MPP7: variants seen among roughly 807,000 people sequenced by gnomAD.
MPP7 encodes the protein MAGUK p55 scaffold protein 7, also known as MAGUK p55 subfamily member 7.
A neutral mutation model predicts 76.5 loss-of-function variants in MPP7; 60 were observed. That is an observed-to-expected ratio of 0.78 (90% CI 0.64 to 0.97). The LOEUF (loss-of-function observed/expected upper bound fraction) is 0.97. Ranked by LOEUF, MPP7 falls within the 50% of genes least tolerant of loss-of-function variation. The probability of loss-of-function intolerance (pLI) is 0.00; values close to 1 mark genes in which losing one functional copy is unlikely to be tolerated. For missense variants in MPP7, 641 were observed against 694.0 expected (o/e 0.92, Z 0.86); for synonymous variants, 237 against 244.5 (o/e 0.97, Z 0.29).
intron 2 of MPP7, among the ~76,000 whole-genome samples, chr10:28,310,501 A>G (rs1215677284): frequency 1.3e-5 from 2 of 152,152 alleles, no homozygotes; most frequent in South Asian, 2.1e-4. Context: ...GAATCCAGCA[A>G]CTTTCAATTA....
At chr10:28,140,040 G>A (rs1343169385) in intron 5 of MPP7, among the ~76,000 whole-genome samples, 1 of 152,146 alleles carries the variant, frequency 6.6e-6, no homozygotes, top group Non-Finnish European at 1.5e-5. Context: ...TCAGGATATT[G>A]AAGTTATCAA....
chr10:28,119,676 G>A lies in MPP7; in HGVS notation c.927C>T (p.Pro309=), dbSNP rs1168299623. 2 of 1,613,426 alleles carry A rather than the reference G, an allele frequency of 1.2e-6. No individual in the cohort carries two copies. The highest frequency in any genetic ancestry group is 1.7e-6 in the Non-Finnish European group (2 of 1,179,720). The change falls in exon 11 of 17, where the codon CCC becomes CCT. Residue 309 remains proline, a synonymous_variant. Coordinates refer to ENST00000683449, the MANE Select transcript of MPP7 (RefSeq NM_001318170.2). ...ATGATTTCCTGTTGGAAACTTTCAGGGGCTGAACCAATATTTCTGGTCGTC... is the reference window on the plus strand; with the variant it reads ...ATGATTTCCTGTTGGAAACTTTCAGAGGCTGAACCAATATTTCTGGTCGTC... ...ALRRPEILVQ[P]LKVSNRKSSG...
intron 15 of MPP7, among the ~76,000 whole-genome samples, chr10:28,058,217 CTAAGAGT>C (rs1191845154): frequency 6.6e-6 from 1 of 152,140 alleles, no homozygotes; most frequent in African/African-American, 2.4e-5. Context: ...GTAGAAACAT[CTAAGAGT>C]TGCTTTACTT....
intron 1 of MPP7, among the ~76,000 whole-genome samples, chr10:28,284,761 A>T (rs1053730016): frequency 4.6e-5 from 7 of 152,234 alleles, no homozygotes; most frequent in African/African-American, 1.7e-4. Context: ...CACTTACTCT[A>T]TTATGAACCT....
chr10:28,260,173 C>T (rs1265030020), intron 1 of MPP7, among the ~76,000 whole-genome samples: 2 of 152,140 alleles, frequency 1.3e-5, no homozygotes, highest in East Asian at 1.9e-4. Flanking sequence ...TTATCATCAT[C>T]GACATATTTG....
chr10:28,258,513 C>A (rs1340059861), intron 1 of MPP7, among the ~76,000 whole-genome samples: 1 of 150,764 alleles, frequency 6.6e-6, no homozygotes, highest in Non-Finnish European at 1.5e-5. Flanking sequence ...AATTCCCCTG[C>A]CTCAGCCTCC....
chr10:28,258,090 C>T (rs544588273), intron 1 of MPP7, among the ~76,000 whole-genome samples: 1 of 151,728 alleles, frequency 6.6e-6, no homozygotes, highest in Non-Finnish European at 1.5e-5. Flanking sequence ...TCACACTTAA[C>T]CCACACCTTC....
At chr10:28,182,588 A>G (rs993564994) in intron 3 of MPP7, among the ~76,000 whole-genome samples, 1 of 152,226 alleles carries the variant, frequency 6.6e-6, no homozygotes, top group Non-Finnish European at 1.5e-5. Context: ...CAATAGTGAC[A>G]TGGAGATAAA....
intron 11 of MPP7, among the ~76,000 whole-genome samples, chr10:28,094,379 T>C (rs1258183498): frequency 6.6e-6 from 1 of 152,140 alleles, no homozygotes; most frequent in Non-Finnish European, 1.5e-5. Context: ...GACCAGTACC[T>C]AGGCTCTGCT....
At chr10:28,198,059 G>A (rs1486607797) in intron 3 of MPP7, among the ~76,000 whole-genome samples, 1 of 152,022 alleles carries the variant, frequency 6.6e-6, no homozygotes, top group East Asian at 1.9e-4. Flanking sequence ...ATATCAATTT[G>A]GGTTTGTTGA....
intron 5 of MPP7, among the ~76,000 whole-genome samples, chr10:28,134,122 C>T (rs73606080): frequency 0.022 from 3,282 of 152,162 alleles, 97 homozygotes; most frequent in African/African-American, 0.072. Context: ...AAATTAGTAG[C>T]GTTTTTCAAT....
intron 12 of MPP7, among the ~76,000 whole-genome samples, chr10:28,087,988 A>C (rs887232941): frequency 6.6e-6 from 1 of 152,194 alleles, no homozygotes; most frequent in African/African-American, 2.4e-5. Flanking sequence ...ATTATTAATA[A>C]AGGAAATTTT....
intron 11 of MPP7, among the ~76,000 whole-genome samples, chr10:28,099,917 A>C (rs1269611105): frequency 6.6e-6 from 1 of 152,112 alleles, no homozygotes; most frequent in Admixed American, 6.5e-5. Flanking sequence ...AGAAAAAAAA[A>C]CATTTAAATT....
chr10:28,265,848 A>T (rs1840133900), intron 1 of MPP7, among the ~76,000 whole-genome samples: 1 of 152,214 alleles, frequency 6.6e-6, no homozygotes, highest in Non-Finnish European at 1.5e-5. Context: ...CTGGGTTTAA[A>T]TTATATTTTT....
At chr10:28,166,748 T>C (rs1158359585) in intron 3 of MPP7, among the ~76,000 whole-genome samples, 1 of 152,170 alleles carries the variant, frequency 6.6e-6, no homozygotes, top group African/African-American at 2.4e-5. Context: ...TTACAACTCT[T>C]GTGTGAATGT....
chr10:28,120,416 G>C (rs751668378), intron 9 of MPP7, 26 bp from the exon 10 acceptor site: 1 of 1,588,872 alleles, frequency 6.3e-7, no homozygotes, highest in Non-Finnish European at 8.6e-7. Context: ...CATTAAAGAT[G>C]AATAAAGATA....
intron 1 of MPP7, among the ~76,000 whole-genome samples, chr10:28,288,413 A>T (rs1372773954): frequency 2.0e-5 from 3 of 151,882 alleles, no homozygotes; most frequent in African/African-American, 7.3e-5. Context: ...TTAATTTTTT[A>T]AATTTTTTGT....
intron 1 of MPP7, among the ~76,000 whole-genome samples, chr10:28,272,881 G>C (rs1410832549): frequency 6.6e-6 from 1 of 151,750 alleles, no homozygotes; most frequent in Non-Finnish European, 1.5e-5. Flanking sequence ...TTTTATTATA[G>C]ACCAAGTAAA....
intron 1 of MPP7, among the ~76,000 whole-genome samples, chr10:28,290,145 G>A (rs1463924866): frequency 2.0e-5 from 3 of 152,036 alleles, no homozygotes; most frequent in East Asian, 1.9e-4. Context: ...ATGCTATTAC[G>A]CTACTATTGA....
Sources: allele counts gnomAD v4.1 joint callset (sites outside exome capture counted in the v4.1 genomes callset), GRCh38; gene constraint gnomAD v4.1.1; transcripts MANE v1.5; gene names NCBI Gene and HGNC (gene_info 2026-07-23, HGNC 2026-07-21).